Variants in ERC2 observed in about 807,000 individuals in gnomAD.
The protein encoded by ERC2 is ELKS/RAB6-interacting/CAST family member 2, also known as ERC protein 2.
A neutral mutation model predicts 114.8 loss-of-function variants in ERC2; 42 were observed. The ratio of observed to expected loss-of-function variants is 0.37; its 90% CI spans 0.29 to 0.47. The LOEUF is 0.47. Among genes scored for constraint, ERC2 ranks in the 20% least tolerant of loss-of-function variants. The probability of loss-of-function intolerance (pLI) is 0.99; values close to 1 mark genes in which losing one functional copy is unlikely to be tolerated. For synonymous variants in ERC2, 454 were observed against 425.5 expected, an observed-to-expected ratio of 1.07 and a Z score of -0.82; for missense variants, 939 against 1,150.7, an observed-to-expected ratio of 0.82 and a Z score of 2.66.
At chr3:55,903,695 T>C (rs2064268793) in intron 13 of ERC2, among the ~76,000 whole-genome samples, 2 of 152,236 alleles carry the variant, frequency 1.3e-5, no homozygotes, top group South Asian at 4.1e-4. Flanking sequence ...TGGGCAATAG[T>C]TCCTTTTGGA....
chr3:55,966,218 G>A (rs1163803032), intron 12 of ERC2, among the ~76,000 whole-genome samples: 2 of 152,018 alleles, frequency 1.3e-5, no homozygotes, highest in Non-Finnish European at 2.9e-5. Context: ...CCCTCTTCTT[G>A]ACCAAGCCTA....
chr3:56,389,945 TAA>T (rs2060068282), intron 2 of ERC2, among the ~76,000 whole-genome samples: 1 of 152,186 alleles, frequency 6.6e-6, no homozygotes, highest in African/African-American at 2.4e-5. Context: ...TTTTGGTAGT[TAA>T]ATCTACAGCT....
At chr3:55,738,970 C>T (rs547045009) in intron 14 of ERC2, among the ~76,000 whole-genome samples, 5 of 152,224 alleles carry the variant, frequency 3.3e-5, no homozygotes, top group African/African-American at 1.2e-4. Context: ...TCCATGTGTT[C>T]TCATTGTTCA....
At chr3:55,542,138 C>A (rs970690661) in intron 17 of ERC2, among the ~76,000 whole-genome samples, 2 of 152,274 alleles carry the variant, frequency 1.3e-5, no homozygotes, top group Non-Finnish European at 2.9e-5. Flanking sequence ...AGGAACCAAC[C>A]AAATGTACAC....
At chr3:56,072,982 ACACT>A (rs2076811107) in intron 7 of ERC2, among the ~76,000 whole-genome samples, 1 of 152,244 alleles carries the variant, frequency 6.6e-6, no homozygotes, top group Admixed American at 6.5e-5. Flanking sequence ...AGTGTCATAC[ACACT>A]CACATATATA....
In ERC2 at chr3:56,434,770, T is replaced by C. The variant is rs545833573; in HGVS notation, c.238A>G (p.Met80Val). Residue 80 changes from methionine to valine, a missense_variant, in exon 2 of 18, where the codon ATG becomes GTG. Coordinates refer to ENST00000288221, the MANE Select transcript of ERC2 (RefSeq NM_015576.3). The stretch of plus-strand genomic sequence containing the variant: ...CGATTTGTAGCCCTTCCCAGAGTCA[T>C]AGTGCCCTTTGGGTAGGTTGTTGAA... ...VASTTYPKGT[M>V]TLGRATNRAV... is the part of the protein sequence containing the mutation. The C allele has an allele frequency of 3.0e-4, 487 of 1,614,014 alleles. 5 individuals are homozygous for C. In the South Asian group the frequency reaches 4.9e-3, roughly 16 times the overall value.
At chr3:56,022,737 G>GT (rs1017971541) in intron 7 of ERC2, among the ~76,000 whole-genome samples, 3 of 152,082 alleles carry the variant, frequency 2.0e-5, no homozygotes, top group Non-Finnish European at 2.9e-5. Context: ...AAAGGGAAGG[G>GT]TTTTTTTGAG....
intron 2 of ERC2, among the ~76,000 whole-genome samples, chr3:56,424,030 A>G (rs536000603): frequency 3.9e-4 from 60 of 152,340 alleles, no homozygotes; most frequent in African/African-American, 1.4e-3. Flanking sequence ...AGAATAGGCC[A>G]CATTCAGAAC....
intron 14 of ERC2, among the ~76,000 whole-genome samples, chr3:55,879,945 CAT>C (rs1404024657): frequency 7.2e-5 from 11 of 152,198 alleles, no homozygotes; most frequent in African/African-American, 2.7e-4. Context: ...GATTTTTGTT[CAT>C]AGAGTCCTTT....
intron 12 of ERC2, among the ~76,000 whole-genome samples, chr3:55,959,818 T>C (rs1164470662): frequency 2.0e-5 from 3 of 152,224 alleles, no homozygotes; most frequent in Non-Finnish European, 4.4e-5. Flanking sequence ...TCGCTCTCAC[T>C]GTAGACTAGA....
intron 17 of ERC2, among the ~76,000 whole-genome samples, chr3:55,577,072 C>T (rs756624412): frequency 6.6e-6 from 1 of 152,198 alleles, no homozygotes; most frequent in Non-Finnish European, 1.5e-5. Flanking sequence ...CCCCAGAGGC[C>T]TGCGATCAGC....
intron 6 of ERC2, among the ~76,000 whole-genome samples, chr3:56,129,664 G>A (rs550676564): frequency 1.3e-5 from 2 of 152,096 alleles, no homozygotes; most frequent in African/African-American, 4.8e-5. Context: ...TCTCACAGAC[G>A]ATTGGCTAAT....
intron 14 of ERC2, among the ~76,000 whole-genome samples, chr3:55,788,316 C>A (rs2069678613): frequency 6.6e-6 from 1 of 152,170 alleles, no homozygotes; most frequent in Non-Finnish European, 1.5e-5. Flanking sequence ...CATTCCTTGA[C>A]CACAGCAGGA....
At chr3:55,965,444 T>C (rs1396456160) in intron 12 of ERC2, among the ~76,000 whole-genome samples, 1 of 152,242 alleles carries the variant, frequency 6.6e-6, no homozygotes, top group African/African-American at 2.4e-5. Context: ...ATTTGAACAT[T>C]AACCAATGTC....
chr3:56,353,320 T>G (rs1006288839), intron 2 of ERC2, among the ~76,000 whole-genome samples: 9 of 152,228 alleles, frequency 5.9e-5, no homozygotes, highest in African/African-American at 2.2e-4. Context: ...CTCTCCATTC[T>G]GATCTCATAG....
chr3:56,121,745 G>A (rs1332780484), intron 6 of ERC2, among the ~76,000 whole-genome samples: 1 of 152,118 alleles, frequency 6.6e-6, no homozygotes, highest in African/African-American at 2.4e-5. Flanking sequence ...TTTTAGCAAA[G>A]CTTATATGTG....
At chr3:56,363,735 T>C (rs909187967) in intron 2 of ERC2, among the ~76,000 whole-genome samples, 1 of 150,978 alleles carries the variant, frequency 6.6e-6, no homozygotes, top group Non-Finnish European at 1.5e-5. Flanking sequence ...TATATACCTG[T>C]GCTAGAGTGC....
At chr3:55,951,349 C>A (rs2067488194) in intron 12 of ERC2, among the ~76,000 whole-genome samples, 2 of 152,162 alleles carry the variant, frequency 1.3e-5, no homozygotes, top group African/African-American at 2.4e-5. Flanking sequence ...AGCTCAAACA[C>A]AATAACAGTT....
At chr3:56,332,262 G>T (rs2316862) in intron 2 of ERC2, among the ~76,000 whole-genome samples, 4 of 152,036 alleles carry the variant, frequency 2.6e-5, no homozygotes, top group South Asian at 2.1e-4. Flanking sequence ...TGCTTAGGGA[G>T]GCATTAGGAG....
Sources: gnomAD v4.1 joint callset for allele counts (sites outside exome capture counted in the v4.1 genomes callset) on GRCh38, gnomAD v4.1.1 for gene constraint, MANE v1.5 for transcripts, NCBI Gene and HGNC (gene_info 2026-07-23, HGNC 2026-07-21) for gene names.